IPO11: variants seen among roughly 807,000 people sequenced by gnomAD.
IPO11 encodes the protein importin 11, also known as importin-11.
A neutral mutation model predicts 143.2 loss-of-function variants in IPO11; 66 were observed. The observed-to-expected ratio is 0.46, with a 90% confidence interval of 0.38 to 0.57. The LOEUF (loss-of-function observed/expected upper bound fraction) is 0.57, where lower values mean the gene tolerates loss of function less well. Ranked by LOEUF, IPO11 falls within the 20% of genes least tolerant of loss-of-function variation. The probability of loss-of-function intolerance (pLI) is 0.00; values close to 1 mark genes in which losing one functional copy is unlikely to be tolerated. For synonymous variants in IPO11, 385 were observed against 377.8 expected (o/e 1.02, Z -0.22); for missense variants, 1,026 against 1,141.0 (o/e 0.90, Z 1.45).
intron 19 of IPO11, among the ~76,000 whole-genome samples, chr5:62,514,225 G>T (rs576714951): frequency 1.1e-3 from 169 of 152,196 alleles, no homozygotes; most frequent in East Asian, 9.5e-3. Context: ...CTGCACTTTG[G>T]GGGGCCAAGG....
intron 24 of IPO11, among the ~76,000 whole-genome samples, chr5:62,543,474 G>C (rs1743035938): frequency 6.6e-6 from 1 of 152,206 alleles, no homozygotes; most frequent in South Asian, 2.1e-4. Flanking sequence ...AATTTGCATA[G>C]AGATGTTTAT....
intron 10 of IPO11, 63 bp from the exon 11 acceptor site, chr5:62,483,947 A>C: frequency 7.4e-7 from 1 of 1,353,316 alleles, no homozygotes; most frequent in South Asian, 1.3e-5. Context: ...TATTTAAGTT[A>C]CATAATCCAA....
intron 5 of IPO11, among the ~76,000 whole-genome samples, chr5:62,465,486 C>T (rs1483815283): frequency 6.6e-6 from 1 of 152,172 alleles, no homozygotes; most frequent in Non-Finnish European, 1.5e-5. Flanking sequence ...ATGTTTGCTT[C>T]TCTGCTATAA....
In IPO11 at chr5:62,591,262, T is replaced by C. The variant is rs182296908; in HGVS notation, c.2583-315T>C. On this transcript the variant is annotated intron_variant, in intron 27 of 29. Coordinates refer to ENST00000325324, the MANE Select transcript of IPO11 (RefSeq NM_016338.5). The stretch of plus-strand genomic sequence containing the variant: ...TCATTAGAAGAGCAGAAATTTTTAC[T>C]TGTCAATACTCTATGTCTTTATCTT... 8.7e-3 allele frequency among the ~76,000 whole-genome samples: 1,330 copies of C among 152,312 alleles called. 75 individuals carry two copies. Among genetic ancestry groups the C allele is most frequent in the Admixed American group, 0.078 (1,196 of 15,280 alleles).
chr5:62,522,561 A>C (rs1222242396), intron 20 of IPO11, among the ~76,000 whole-genome samples: 2 of 152,148 alleles, frequency 1.3e-5, no homozygotes, highest in Non-Finnish European at 2.9e-5. Context: ...CTGGGATTAC[A>C]GGCATGAGCC....
In IPO11 at chr5:62,551,288, T is replaced by C. The variant is rs374543679; in HGVS notation, c.2412T>C (p.Ser804=). Residue 804 remains serine (S), a synonymous_variant, in exon 26 of 30, where the codon AGT becomes AGC. Transcript: ENST00000325324. ...VMGRVLLQNT[S]FFSSLLNEMA... ...GTCGAGTTCTACTACAAAACACTAG[T>C]TTTTTTTCTTCACTACTTAATGAGA... The C allele has an allele frequency of 2.9e-5, 47 of 1,608,602 alleles. No homozygotes were observed. In the African/African-American group the frequency reaches 5.2e-4, roughly 18 times the overall value.
intron 15 of IPO11, 91 bp from the exon 16 acceptor site, chr5:62,493,907 T>C: frequency 1.7e-6 from 2 of 1,188,320 alleles, no homozygotes; most frequent in Non-Finnish European, 2.3e-6. Flanking sequence ...GCATTCTTAC[T>C]ACATTTTAGA....
chr5:62,540,089 G>A (rs1302951908), intron 24 of IPO11, among the ~76,000 whole-genome samples: 2 of 152,050 alleles, frequency 1.3e-5, no homozygotes, highest in Non-Finnish European at 2.9e-5. Flanking sequence ...GTAAATGTGT[G>A]CTCTGTTTGC....
intron 23 of IPO11, 103 bp from the exon 24 acceptor site, chr5:62,537,106 G>A (rs1287785373): frequency 5.6e-6 from 4 of 710,818 alleles, no homozygotes; most frequent in African/African-American, 3.6e-5. Flanking sequence ...GACCATTAGT[G>A]TATAATTCTC....
chr5:62,600,880 G>A (rs767383959), intron 28 of IPO11, among the ~76,000 whole-genome samples: 4 of 152,158 alleles, frequency 2.6e-5, no homozygotes, highest in Non-Finnish European at 5.9e-5. Flanking sequence ...AAATAGAAAC[G>A]AAAGACACTT....
chr5:62,554,520 T>A (rs1377227191), intron 26 of IPO11, among the ~76,000 whole-genome samples: 9 of 152,178 alleles, frequency 5.9e-5, no homozygotes, highest in Non-Finnish European at 1.0e-4. Context: ...TCTGGCACCA[T>A]CGTTGAAGTA....
intron 6 of IPO11, among the ~76,000 whole-genome samples, chr5:62,469,541 C>G (rs1348725124): frequency 6.6e-6 from 1 of 152,070 alleles, no homozygotes; most frequent in Non-Finnish European, 1.5e-5. Context: ...TGTCACCATC[C>G]TTATTGTTGC....
chr5:62,509,279 C>G (rs533602568), intron 19 of IPO11, among the ~76,000 whole-genome samples: 20 of 152,084 alleles, frequency 1.3e-4, no homozygotes, highest in Non-Finnish European at 2.6e-4. Context: ...ATAAAATACT[C>G]TGTTGAAAAT....
At chr5:62,435,110 GTATATA>G (rs1313698232) in intron 1 of IPO11, among the ~76,000 whole-genome samples, 17 of 65,428 alleles carry the variant, frequency 2.6e-4, no homozygotes, top group African/African-American at 7.1e-4. Flanking sequence ...GTATATATAT[GTATATA>G]TGTATATATG....
At chr5:62,591,535 C>A in intron 27 of IPO11, 42 bp from the exon 28 acceptor site, 1 of 1,104,282 alleles carries the variant, frequency 9.1e-7, no homozygotes, top group Non-Finnish European at 1.3e-6. Context: ...AAGAATTAAT[C>A]TAGTATTCCA....
At chr5:62,535,995 T>C (rs1742720496) in intron 22 of IPO11, among the ~76,000 whole-genome samples, 1 of 152,216 alleles carries the variant, frequency 6.6e-6, no homozygotes, top group Non-Finnish European at 1.5e-5. Context: ...TTTGATCATA[T>C]TCAGTTTTAA....
chr5:62,451,502 G>A (rs751986775), intron 4 of IPO11, among the ~76,000 whole-genome samples: 5 of 152,232 alleles, frequency 3.3e-5, no homozygotes, highest in Non-Finnish European at 5.9e-5. Context: ...AGAAAACCTC[G>A]TTTCACACTG....
At chr5:62,499,569 C>CTTTTTTTTTTT (rs35545041) in intron 16 of IPO11, among the ~76,000 whole-genome samples, 1 of 100,104 alleles carries the variant, frequency 1.0e-5, no homozygotes, top group Non-Finnish European at 1.9e-5. Flanking sequence ...CTTACTCTAA[C>CTTTTTTTTTTT]TTTTTTTTTT....
chr5:62,464,824 A>C (rs956775307), intron 5 of IPO11, among the ~76,000 whole-genome samples: 1 of 152,218 alleles, frequency 6.6e-6, no homozygotes, highest in Admixed American at 6.5e-5. Context: ...GGCGACACAA[A>C]AAATTTCAAT....
Sources: gnomAD v4.1 joint callset for allele counts (sites outside exome capture counted in the v4.1 genomes callset) on GRCh38, gnomAD v4.1.1 for gene constraint, MANE v1.5 for transcripts, NCBI Gene and HGNC (gene_info 2026-07-23, HGNC 2026-07-21) for gene names.